SNTG1: variants seen among roughly 807,000 people sequenced by gnomAD.
The protein encoded by SNTG1 is syntrophin gamma 1.
SNTG1 carries 39 observed loss-of-function variants against 74.7 expected under a neutral mutation model. That is an observed-to-expected ratio of 0.52 (90% CI 0.40 to 0.68). The LOEUF (loss-of-function observed/expected upper bound fraction) is 0.68, where lower values mean the gene tolerates loss of function less well. SNTG1 is among the 30% of genes least tolerant of loss of function. The probability of loss-of-function intolerance (pLI) is 0.00; values close to 1 mark genes in which losing one functional copy is unlikely to be tolerated. For missense variants in SNTG1, 685 were observed against 609.5 expected (o/e 1.12, Z -1.30); for synonymous variants, 254 against 217.1 (o/e 1.17, Z -1.49).
chr8:50,556,721 T>A (rs1563571258), intron 12 of SNTG1, among the ~76,000 whole-genome samples: 1 of 152,196 alleles, frequency 6.6e-6, no homozygotes. Flanking sequence ...CTTTGATGGG[T>A]AGGTTAGTAA....
chr8:50,544,986 A>G (rs2625755), intron 11 of SNTG1, among the ~76,000 whole-genome samples: 33,143 of 151,832 alleles, frequency 0.22, 4,716 homozygotes, highest in African/African-American at 0.4. Flanking sequence ...TGTATACTAC[A>G]CTTTCTTTAG....
intron 1 of SNTG1, among the ~76,000 whole-genome samples, chr8:49,918,054 T>C (rs1806199782): frequency 6.6e-6 from 1 of 152,202 alleles, no homozygotes; most frequent in African/African-American, 2.4e-5. Context: ...TTCAATGACA[T>C]TTAATAGAAA....
intron 18 of SNTG1, among the ~76,000 whole-genome samples, chr8:50,778,507 A>G (rs2131817903): frequency 6.6e-6 from 1 of 152,062 alleles, no homozygotes; most frequent in South Asian, 2.1e-4. Context: ...TCTTCTTTTG[A>G]GAAGTGTCTG....
At chr8:50,677,156 G>A (rs2095312591) in intron 15 of SNTG1, among the ~76,000 whole-genome samples, 1 of 151,872 alleles carries the variant, frequency 6.6e-6, no homozygotes, top group South Asian at 2.1e-4. Flanking sequence ...TGAGTCAGAA[G>A]ATAATCCAAA....
At chr8:50,080,345 A>C (rs1028148196) in intron 1 of SNTG1, among the ~76,000 whole-genome samples, 51 of 152,094 alleles carry the variant, frequency 3.4e-4, no homozygotes, top group African/African-American at 1.2e-3. Flanking sequence ...CAATCTTTTT[A>C]TGTCCTTGAG....
chr8:50,560,636 C>T (rs892873172), intron 12 of SNTG1, among the ~76,000 whole-genome samples: 9 of 152,238 alleles, frequency 5.9e-5, no homozygotes, highest in Non-Finnish European at 1.0e-4. Flanking sequence ...TCAGACGCCA[C>T]GTCTTCTTAC....
intron 12 of SNTG1, among the ~76,000 whole-genome samples, chr8:50,587,063 T>A (rs2094653784): frequency 6.6e-6 from 1 of 151,994 alleles, no homozygotes; most frequent in African/African-American, 2.4e-5. Flanking sequence ...ATAAAATCAA[T>A]TTCGGTTCAC....
At chr8:50,392,486 C>T (rs2131301383) in intron 2 of SNTG1, among the ~76,000 whole-genome samples, 1 of 152,256 alleles carries the variant, frequency 6.6e-6, no homozygotes, top group South Asian at 2.1e-4. Context: ...GGCTATTATT[C>T]CCTCTCCCAA....
At chr8:50,257,980 G>A (rs1164193934) in intron 2 of SNTG1, among the ~76,000 whole-genome samples, 1 of 152,206 alleles carries the variant, frequency 6.6e-6, no homozygotes, top group Non-Finnish European at 1.5e-5. Context: ...ACAGTCAAAG[G>A]AAATCTGGAA....
At chr8:50,222,858 A>G (rs1372372325) in intron 2 of SNTG1, among the ~76,000 whole-genome samples, 1 of 152,160 alleles carries the variant, frequency 6.6e-6, no homozygotes, top group Non-Finnish European at 1.5e-5. Context: ...GACATATAAC[A>G]CCATCTGAGG....
At chr8:49,912,400 T>TA (rs1330392576) in intron 1 of SNTG1, among the ~76,000 whole-genome samples, 169 bp downstream of exon 1, 1 of 152,240 alleles carries the variant, frequency 6.6e-6, no homozygotes, top group Non-Finnish European at 1.5e-5. Flanking sequence ...AGAATCAAAA[T>TA]AACATACATG....
At chr8:50,173,542 T>C (rs2082883937) in intron 2 of SNTG1, among the ~76,000 whole-genome samples, 1 of 152,152 alleles carries the variant, frequency 6.6e-6, no homozygotes, top group Non-Finnish European at 1.5e-5. Context: ...AATCTTTGAG[T>C]GTATCATGTG....
At chr8:50,372,343 A>G (rs945437068) in intron 2 of SNTG1, among the ~76,000 whole-genome samples, 5 of 151,854 alleles carry the variant, frequency 3.3e-5, no homozygotes, top group African/African-American at 4.8e-5. Flanking sequence ...TATATTTTAA[A>G]TTGATAACAA....
At chr8:50,670,859 A>G (rs2095277888) in intron 15 of SNTG1, among the ~76,000 whole-genome samples, 1 of 151,620 alleles carries the variant, frequency 6.6e-6, no homozygotes, top group Non-Finnish European at 1.5e-5. Context: ...AGATCAATGG[A>G]ACAGAACAGA....
chr8:50,651,390 T>C (rs1195993245), intron 13 of SNTG1, among the ~76,000 whole-genome samples: 1 of 152,198 alleles, frequency 6.6e-6, no homozygotes, highest in Non-Finnish European at 1.5e-5. Flanking sequence ...TAGCCTTTGT[T>C]GAATCCCTCA....
At chr8:50,011,124 TAATA>T (rs1393206398) in intron 1 of SNTG1, among the ~76,000 whole-genome samples, 1 of 152,160 alleles carries the variant, frequency 6.6e-6, no homozygotes, top group Non-Finnish European at 1.5e-5. Flanking sequence ...ACAAGCTCTG[TAATA>T]AATATTGAGG....
chr8:50,764,489 T>C (rs2131753766), intron 18 of SNTG1, among the ~76,000 whole-genome samples: 1 of 152,062 alleles, frequency 6.6e-6, no homozygotes, highest in Admixed American at 6.6e-5. Flanking sequence ...AAAGAAGACA[T>C]AATAATGGCC....
chr8:49,948,111 A>G (rs1809371348), intron 1 of SNTG1, among the ~76,000 whole-genome samples: 2 of 152,198 alleles, frequency 1.3e-5, no homozygotes. Context: ...AGCCTGGGTG[A>G]CAGAGCATGA....
chr8:49,975,660 AGGTAGT>A (rs1812124009), intron 1 of SNTG1, among the ~76,000 whole-genome samples: 1 of 152,122 alleles, frequency 6.6e-6, no homozygotes, highest in Admixed American at 6.6e-5. Context: ...CATAAATCAT[AGGTAGT>A]CCACAAGAAG....
Sources: allele counts gnomAD v4.1 joint callset (sites outside exome capture counted in the v4.1 genomes callset), GRCh38; gene constraint gnomAD v4.1.1; transcripts MANE v1.5; gene names NCBI Gene and HGNC (gene_info 2026-07-23, HGNC 2026-07-21).